SEC14L2: variants seen among roughly 807,000 people sequenced by gnomAD.
SEC14L2 encodes the protein SEC14 like lipid binding 2, also known as SEC14-like protein 2.
In SEC14L2, 50 loss-of-function variants were observed where a neutral mutation model predicts 56.9. The observed-to-expected ratio is 0.88, with a 90% confidence interval of 0.70 to 1.11. The LOEUF is 1.11. Ranked by LOEUF, SEC14L2 falls within the 50% of genes most tolerant of loss-of-function variation. The pLI, the probability that SEC14L2 is intolerant of heterozygous loss-of-function variation, is 0.00. For synonymous variants in SEC14L2, 179 were observed against 188.5 expected, an observed-to-expected ratio of 0.95 and a Z score of 0.41; for missense variants, 414 against 500.7, an observed-to-expected ratio of 0.83 and a Z score of 1.65.
chr22:30,419,410 G>A (rs934344812), intron 11 of SEC14L2, among the ~76,000 whole-genome samples: 1 of 152,206 alleles, frequency 6.6e-6, no homozygotes, highest in African/African-American at 2.4e-5. Flanking sequence ...AAAATAAGCT[G>A]AGTGTGGTGG....
At chr22:30,420,435 T>G (rs996286675) in intron 11 of SEC14L2, 4 of 152,232 alleles carry the variant, frequency 2.6e-5, no homozygotes, top group African/African-American at 9.6e-5. Flanking sequence ...ATCAACCCCT[T>G]TCTTGTTTCT....
At chr22:30,407,256 C>G (rs962084216) in intron 4 of SEC14L2, 102 bp downstream of exon 4, 6 of 1,486,268 alleles carry the variant, frequency 4.0e-6, no homozygotes, top group Non-Finnish European at 5.6e-6. Flanking sequence ...AAAGGTCTGA[C>G]AATGCCCACT....
In SEC14L2 at chr22:30,423,770, G is replaced by A. The variant is rs1061664; in HGVS notation, c.*1363G>A. 29,720 of 152,398 alleles carry A rather than the reference G, an allele frequency of 0.2. 3,179 individuals are homozygous for A. The highest frequency in any genetic ancestry group is 0.28 in the East Asian group (1,472 of 5,184). 9.4% of individuals were successfully genotyped at this position (152,398 alleles called of 1,614,324 possible). A position where few individuals can be genotyped will look rare whatever the true frequency, so the allele number is the denominator to read the frequency against. ...GCACGGGCCTCTGCCAGAACGCTCA[G>A]GACATCCCGGCCTGGGTTTACAACG... is the stretch of plus-strand genomic sequence containing the variant. On this transcript the variant is annotated 3_prime_UTR_variant, in exon 12 of 12. Transcript: ENST00000615189.
chr22:30,415,809 G>C lies in SEC14L2; in HGVS notation c.715G>C (p.Val239Leu), dbSNP rs776432941. 3 of 1,614,076 alleles carry C rather than the reference G, an allele frequency of 1.9e-6. No individual in the cohort carries two copies. In the African/African-American group the frequency reaches 4.0e-5, roughly 22 times the overall value. ...LKHISPDQVP[V>L]EYGGTMTDPD... is the part of the protein sequence containing the mutation. ...ACATATCAGCCCTGACCAGGTGCCT[G>C]TGGAGTATGGGGGCACCATGACTGA... The change falls in exon 9 of 12, where the codon GTG (valine) becomes CTG (leucine). Residue 239 changes from valine (V) to leucine (L), a missense_variant. Coordinates refer to ENST00000615189, the MANE Select transcript of SEC14L2 (RefSeq NM_012429.5).
intron 11 of SEC14L2, among the ~76,000 whole-genome samples, chr22:30,419,086 C>T (rs1398358221): frequency 6.6e-6 from 1 of 152,220 alleles, no homozygotes; most frequent in East Asian, 1.9e-4. Context: ...ACTAGAAGTG[C>T]ACAATGTGGT....
In SEC14L2 at chr22:30,397,184, C is replaced by A. The variant is rs759709711; in HGVS notation, c.54+14C>A. ...GCATTGGCCAAGGTGAGCTGTAGCC[C>A]TGGCCCGGGCTCCCGCCTCGGGCTG... On this transcript the variant is annotated intron_variant, in intron 1 of 11. Coordinates refer to ENST00000615189, the MANE Select transcript of SEC14L2 (RefSeq NM_012429.5). 2.6e-6 allele frequency: 4 copies of A among 1,519,264 alleles called. No individual in the cohort carries two copies. Among genetic ancestry groups the A allele is most frequent in the South Asian group, 1.2e-5 (1 of 80,446 alleles). 94.1% of individuals were successfully genotyped at this position (1,519,264 alleles called of 1,614,324 possible).
At chr22:30,419,544 AAAC>A (rs962770067) in intron 11 of SEC14L2, among the ~76,000 whole-genome samples, 12 of 152,320 alleles carry the variant, frequency 7.9e-5, no homozygotes, top group Middle Eastern at 3.4e-3. Context: ...CTCTGTCTCA[AAAC>A]AACAACAACA....
intron 1 of SEC14L2, 31 bp downstream of exon 1, chr22:30,397,201 C>G (rs757107581): frequency 3.3e-5 from 49 of 1,496,586 alleles, no homozygotes; most frequent in Non-Finnish European, 4.2e-5. Context: ...GGGCTCCCGC[C>G]TCGGGCTGTG....
intron 1 of SEC14L2, among the ~76,000 whole-genome samples, chr22:30,398,258 CA>C (rs1163669728): frequency 1.3e-5 from 2 of 152,194 alleles, no homozygotes; most frequent in Admixed American, 1.3e-4. Context: ...AACTGGAGAC[CA>C]GGGGCTGGTT....
In SEC14L2 at chr22:30,424,339, C is replaced by T. The variant is rs1391407607; in HGVS notation, c.*1932C>T. 1 of 163,826 alleles carries T rather than the reference C, an allele frequency of 6.1e-6. No homozygotes were observed. The highest frequency in any genetic ancestry group is 2.4e-5 in the African/African-American group (1 of 41,534). 10.1% of individuals were successfully genotyped at this position (163,826 alleles called of 1,614,324 possible). On this transcript the variant is annotated 3_prime_UTR_variant, in exon 12 of 12. Transcript: ENST00000615189. ...CCATCAACTTTTCTCCCACCCACCA[C>T]CCTCCCCAACCTACAAGCCCAGCTC... is the stretch of plus-strand genomic sequence containing the variant.
chr22:30,408,624 G>A (rs1350858474), intron 5 of SEC14L2, among the ~76,000 whole-genome samples: 1 of 152,166 alleles, frequency 6.6e-6, no homozygotes, highest in African/African-American at 2.4e-5. Context: ...CTGAGAAAAA[G>A]ACTGAAGAAC....
At chr22:30,409,526 GA>G in intron 7 of SEC14L2, 40 bp downstream of exon 7, 1 of 1,586,170 alleles carries the variant, frequency 6.3e-7, no homozygotes, top group Non-Finnish European at 8.7e-7. Flanking sequence ...AGATGGAAAA[GA>G]GGGGTCAAAA....
chr22:30,422,383 G>C lies in SEC14L2; in HGVS notation c.1188G>C (p.Gln396His). 6.2e-7 allele frequency: 1 copy of C among 1,614,220 alleles called. No homozygotes were observed. The highest frequency in any genetic ancestry group is 8.5e-7 in the Non-Finnish European group (1 of 1,180,026). The change falls in exon 12 of 12, where the codon CAG becomes CAC. Residue 396 changes from glutamine to histidine, a missense_variant. Gln to His is a conservative substitution (Grantham distance 24). Coordinates refer to ENST00000615189, the MANE Select transcript of SEC14L2 (RefSeq NM_012429.5). ...PDKASEEKMK[Q>H]LGAGTPK is the part of the protein sequence containing the mutation. ...AAGCCTCAGAAGAGAAGATGAAACA[G>C]CTGGGGGCAGGCACCCCGAAATAAC...
intron 8 of SEC14L2, among the ~76,000 whole-genome samples, chr22:30,411,456 A>G (rs1471301469): frequency 6.6e-6 from 1 of 151,928 alleles, no homozygotes; most frequent in Non-Finnish European, 1.5e-5. Flanking sequence ...TGAATAAGAC[A>G]GAGTCCTGGC....
chr22:30,420,177 T>C (rs1431286001), intron 11 of SEC14L2, among the ~76,000 whole-genome samples: 1 of 152,206 alleles, frequency 6.6e-6, no homozygotes, highest in African/African-American at 2.4e-5. Flanking sequence ...GGTCTTGAAC[T>C]CCCGGCCTCA....
intron 2 of SEC14L2, among the ~76,000 whole-genome samples, chr22:30,400,856 C>T (rs1473130715): frequency 1.5e-5 from 2 of 134,708 alleles, no homozygotes; most frequent in African/African-American, 5.7e-5. Flanking sequence ...CATTTCGCCA[C>T]TGCACTCCAG....
intron 4 of SEC14L2, 31 bp downstream of exon 4, chr22:30,407,185 T>C (rs371216359): frequency 3.3e-5 from 53 of 1,612,462 alleles, no homozygotes; most frequent in Middle Eastern, 1.6e-4. Flanking sequence ...CTCATCCCTA[T>C]GCTAGGCCTT....
intron 11 of SEC14L2, among the ~76,000 whole-genome samples, chr22:30,418,782 C>T (rs1398278218): frequency 2.0e-5 from 3 of 152,216 alleles, no homozygotes; most frequent in Admixed American, 6.5e-5. Context: ...TATTAGCTTG[C>T]AAGCTCATCT....
intron 2 of SEC14L2, 66 bp downstream of exon 2, chr22:30,399,784 C>T: frequency 7.1e-7 from 1 of 1,413,580 alleles, no homozygotes; most frequent in Non-Finnish European, 9.8e-7. Context: ...ATAGCACCCT[C>T]TGAAAACCCT....
Sources: gnomAD v4.1 joint callset for allele counts (sites outside exome capture counted in the v4.1 genomes callset) on GRCh38, gnomAD v4.1.1 for gene constraint, MANE v1.5 for transcripts, NCBI Gene and HGNC (gene_info 2026-07-23, HGNC 2026-07-21) for gene names.